Variants in CERS6 observed in about 807,000 individuals in gnomAD.
CERS6 encodes LAG1 homolog, ceramide synthase 6.
Under a neutral mutation model 56.8 loss-of-function variants are expected in CERS6, and 26 were observed. That is an observed-to-expected ratio of 0.46 (90% CI 0.34 to 0.63). The LOEUF (loss-of-function observed/expected upper bound fraction) is 0.63, where lower values mean the gene tolerates loss of function less well. Among genes scored for constraint, CERS6 ranks in the 30% least tolerant of loss-of-function variants. The pLI is 0.01. For synonymous variants in CERS6, 164 were observed against 173.3 expected, an observed-to-expected ratio of 0.95 and a Z score of 0.42; for missense variants, 415 against 467.5, an observed-to-expected ratio of 0.89 and a Z score of 1.04.
chr2:168,561,814 G>T (rs1695794966), intron 3 of CERS6, among the ~76,000 whole-genome samples: 1 of 152,108 alleles, frequency 6.6e-6, no homozygotes, highest in African/African-American at 2.4e-5. Context: ...TTGGGGGATG[G>T]AATTGAAGTC....
chr2:168,745,247 A>ATTTT (rs11453117), intron 8 of CERS6, among the ~76,000 whole-genome samples: 1 of 149,790 alleles, frequency 6.7e-6, no homozygotes, highest in African/African-American at 2.5e-5. Context: ...CAGTTTAAAA[A>ATTTT]TTTTTTTTTT....
intron 1 of CERS6, among the ~76,000 whole-genome samples, chr2:168,470,394 G>A (rs1227063328): frequency 2.0e-5 from 3 of 151,934 alleles, no homozygotes; most frequent in Non-Finnish European, 4.4e-5. Context: ...AGTGTTTGTG[G>A]GAAGAAGCTT....
intron 1 of CERS6, among the ~76,000 whole-genome samples, chr2:168,466,328 C>T (rs1693873970): frequency 1.3e-5 from 2 of 152,160 alleles, no homozygotes; most frequent in Admixed American, 1.3e-4. Flanking sequence ...CTGGTAAGTA[C>T]ACAATCCATT....
intron 3 of CERS6, among the ~76,000 whole-genome samples, chr2:168,588,189 G>A (rs564350148): frequency 6.6e-6 from 1 of 151,652 alleles, no homozygotes; most frequent in South Asian, 2.1e-4. Flanking sequence ...CAAAATGTTG[G>A]GATTACAGGC....
chr2:168,711,731 CAAAAAA>C (rs35886865), intron 6 of CERS6, among the ~76,000 whole-genome samples: 1 of 97,890 alleles, frequency 1.0e-5, no homozygotes, highest in Non-Finnish European at 2.0e-5. Flanking sequence ...GAGACTGTCT[CAAAAAA>C]AAAAAAAAAA....
chr2:168,609,229 A>C (rs1684127150), intron 3 of CERS6, among the ~76,000 whole-genome samples: 1 of 152,172 alleles, frequency 6.6e-6, no homozygotes, highest in Non-Finnish European at 1.5e-5. Context: ...TCTTGGGCTC[A>C]AGGGATCCTC....
chr2:168,665,288 C>G (rs540836410), intron 4 of CERS6, among the ~76,000 whole-genome samples: 2 of 152,010 alleles, frequency 1.3e-5, no homozygotes, highest in South Asian at 2.1e-4. Flanking sequence ...AGCTTCTGCT[C>G]TAGCATTTTA....
In CERS6 at chr2:168,695,041, T is replaced by A. The variant is rs1264379630; in HGVS notation, c.599T>A (p.Ile200Asn). Reference sequence around the variant, plus strand: ...TTGATGTTTTCTCAGTTCACTGATATCAAAAGAAAGGTAAGAGCGGTTATG... The same window carrying A: ...TTGATGTTTTCTCAGTTCACTGATAACAAAAGAAAGGTAAGAGCGGTTATG... ...WSLMFSQFTD[I>N]KRKDFGIMFL... The change falls in exon 6 of 10, where the codon ATC (isoleucine) becomes AAC (asparagine). Residue 200 changes from isoleucine to asparagine, a missense_variant. Transcript: ENST00000305747. 2.5e-6 allele frequency: 4 copies of A among 1,612,220 alleles called. No individual in the cohort carries two copies. The highest frequency in any genetic ancestry group is 2.7e-5 in the African/African-American group (2 of 74,852).
intron 7 of CERS6, among the ~76,000 whole-genome samples, chr2:168,717,128 C>T (rs987216208): frequency 6.6e-6 from 1 of 152,110 alleles, no homozygotes; most frequent in Admixed American, 6.6e-5. Context: ...CTTCCCTAGA[C>T]TAATTTATAA....
At chr2:168,618,899 CA>C (rs1316808119) in intron 3 of CERS6, among the ~76,000 whole-genome samples, 1 of 151,830 alleles carries the variant, frequency 6.6e-6, no homozygotes, top group African/African-American at 2.4e-5. Flanking sequence ...TATATGGAAC[CA>C]AAAAAGAGCC....
At chr2:168,503,455 G>A (rs1346744351) in intron 1 of CERS6, among the ~76,000 whole-genome samples, 1 of 152,186 alleles carries the variant, frequency 6.6e-6, no homozygotes, top group East Asian at 1.9e-4. Flanking sequence ...CTCCTAGCAA[G>A]TTAGTTGACT....
intron 8 of CERS6, among the ~76,000 whole-genome samples, chr2:168,735,291 C>CA (rs879553595): frequency 9.0e-4 from 120 of 133,872 alleles, no homozygotes; most frequent in Admixed American, 9.6e-4. Context: ...CACACCCCTG[C>CA]AAAAAAAAAA....
At chr2:168,624,589 T>A (rs141113609) in intron 3 of CERS6, among the ~76,000 whole-genome samples, 5 of 152,242 alleles carry the variant, frequency 3.3e-5, no homozygotes, top group African/African-American at 4.8e-5. Flanking sequence ...GTTACTGTTT[T>A]GTAAAAATAA....
chr2:168,560,115 G>A (rs776267118), intron 2 of CERS6, among the ~76,000 whole-genome samples: 4 of 152,224 alleles, frequency 2.6e-5, no homozygotes, highest in Admixed American at 1.3e-4. Flanking sequence ...CAATCATGGC[G>A]GAAGGTGAAA....
chr2:168,724,471 A>T (rs1574193636), intron 8 of CERS6, among the ~76,000 whole-genome samples: 1 of 152,100 alleles, frequency 6.6e-6, no homozygotes, highest in Non-Finnish European at 1.5e-5. Flanking sequence ...CCCCACCCAC[A>T]TCGTGCTGAT....
chr2:168,479,408 A>G (rs951109831), intron 1 of CERS6, among the ~76,000 whole-genome samples: 6 of 152,150 alleles, frequency 3.9e-5, no homozygotes, highest in African/African-American at 1.2e-4. Context: ...TAAATTACAG[A>G]CTTTATTTTC....
At chr2:168,477,166 GGAGAGACA>G (rs1694088163) in intron 1 of CERS6, among the ~76,000 whole-genome samples, 1 of 115,430 alleles carries the variant, frequency 8.7e-6, no homozygotes, top group African/African-American at 3.6e-5. Flanking sequence ...AAGGAATGAG[GGAGAGACA>G]GAGAGAGAGA....
intron 8 of CERS6, among the ~76,000 whole-genome samples, chr2:168,753,890 A>T (rs1439107873): frequency 6.6e-6 from 1 of 152,214 alleles, no homozygotes; most frequent in African/African-American, 2.4e-5. Context: ...TCTAGGTAAG[A>T]GTAAAACACT....
chr2:168,670,803 A>G (rs1344718555), intron 4 of CERS6, among the ~76,000 whole-genome samples: 1 of 152,090 alleles, frequency 6.6e-6, no homozygotes, highest in Non-Finnish European at 1.5e-5. Flanking sequence ...ATGTTACAAA[A>G]TACTGTGTAT....
Sources: allele counts gnomAD v4.1 joint callset (sites outside exome capture counted in the v4.1 genomes callset), GRCh38; gene constraint gnomAD v4.1.1; transcripts MANE v1.5; gene names NCBI Gene and HGNC (gene_info 2026-07-23, HGNC 2026-07-21).